Variants in LPAR5 observed in about 807,000 individuals in gnomAD.
LPAR5 encodes the protein lysophosphatidic acid receptor 5.
For synonymous variants in LPAR5, 271 were observed against 261.6 expected (o/e 1.04, Z -0.35); for missense variants, 544 against 521.8 (o/e 1.04, Z -0.41).
In LPAR5 at chr12:6,621,471, TA is replaced by T; in HGVS notation, c.-216-8del. The T allele has an allele frequency of 2.3e-6, 1 of 434,196 alleles. No homozygotes were observed. The highest frequency in any genetic ancestry group is 4.2e-6 in the Non-Finnish European group (1 of 240,238). 26.9% of individuals were successfully genotyped at this position (434,196 alleles called of 1,614,324 possible). A position where few individuals can be genotyped will look rare whatever the true frequency, so the allele number is the denominator to read the frequency against. On this transcript the variant is annotated splice_polypyrimidine_tract_variant and splice_region_variant and intron_variant, in intron 1 of 1. Coordinates refer to ENST00000329858, the MANE Select transcript of LPAR5 (RefSeq NM_020400.6). ...CTTCATCAGCAGCAGAGACCTGGAA[TA>T]GGAAGGCAAGCCGGAAGTTATACAG...
chr12:6,628,404 T>C (rs559359866), intron 1 of LPAR5, among the ~76,000 whole-genome samples: 2 of 152,254 alleles, frequency 1.3e-5, no homozygotes, highest in South Asian at 4.1e-4. Flanking sequence ...AATGAGTGGA[T>C]GGATGATTTT....
chr12:6,628,243 T>A (rs555634097), intron 1 of LPAR5, among the ~76,000 whole-genome samples: 1 of 152,066 alleles, frequency 6.6e-6, no homozygotes, highest in East Asian at 1.9e-4. Flanking sequence ...GGATGGTCTC[T>A]ATCTCCTGAC....
intron 1 of LPAR5, among the ~76,000 whole-genome samples, chr12:6,634,709 T>C (rs1373635402): frequency 6.7e-6 from 1 of 149,382 alleles, no homozygotes. Flanking sequence ...AGTGGGAGGA[T>C]TGCTTGAACC....
intron 1 of LPAR5, among the ~76,000 whole-genome samples, chr12:6,630,211 C>T (rs1948972458): frequency 6.6e-6 from 1 of 151,446 alleles, no homozygotes; most frequent in African/African-American, 2.4e-5. Flanking sequence ...GCAACCTCCG[C>T]CTCCTGGGTT....
intron 1 of LPAR5, among the ~76,000 whole-genome samples, chr12:6,626,205 A>G (rs577292033): frequency 1.9e-4 from 29 of 152,232 alleles, no homozygotes; most frequent in Non-Finnish European, 3.5e-4. Context: ...CAGGAGGCAG[A>G]CAGAGGTTGC....
In LPAR5 at chr12:6,621,460, G is replaced by A. The variant is rs1296878246; in HGVS notation, c.-212C>T. Reference sequence around the variant, plus strand: ...TTTGGTCACAGCTTCATCAGCAGCAGAGACCTGGAATAGGAAGGCAAGCCG... The same window carrying A: ...TTTGGTCACAGCTTCATCAGCAGCAAAGACCTGGAATAGGAAGGCAAGCCG... On this transcript the variant is annotated 5_prime_UTR_variant, in exon 2 of 2. Coordinates refer to ENST00000329858, the MANE Select transcript of LPAR5 (RefSeq NM_020400.6). 5 of 438,250 alleles carry A rather than the reference G, an allele frequency of 1.1e-5. No homozygotes were observed. Among genetic ancestry groups the A allele is most frequent in the African/African-American group, 1.0e-4 (5 of 49,138 alleles). The allele number at this position is 438,250 out of a possible 1,614,324, so 27.1% of individuals were successfully genotyped here.
intron 1 of LPAR5, among the ~76,000 whole-genome samples, chr12:6,634,620 G>A (rs1214845154): frequency 8.5e-6 from 1 of 117,954 alleles, no homozygotes; most frequent in Non-Finnish European, 1.7e-5. Context: ...ACGACAGAGC[G>A]AGACCCCATC....
At chr12:6,632,973 C>G (rs1233976118) in intron 1 of LPAR5, among the ~76,000 whole-genome samples, 1 of 152,210 alleles carries the variant, frequency 6.6e-6, no homozygotes, top group Admixed American at 6.5e-5. Flanking sequence ...CCTTTCCCCA[C>G]CCTTCTCTGC....
intron 1 of LPAR5, among the ~76,000 whole-genome samples, chr12:6,625,675 T>A (rs910763551): frequency 6.0e-5 from 9 of 150,098 alleles, no homozygotes; most frequent in African/African-American, 9.8e-5. Flanking sequence ...CTGAGCCGAG[T>A]TCACGCCACT....
Position 6,620,167 on chromosome 12 carries a change from G to C in LPAR5, c.1082C>G (p.Ser361Cys). 1 of 1,613,546 alleles carries C rather than the reference G, an allele frequency of 6.2e-7. No homozygotes were observed. Among genetic ancestry groups the C allele is most frequent in the South Asian group, 1.1e-5 (1 of 91,068 alleles). ...LLRPSDSHSLSSFTQCPQDSA... is the reference protein window; with the variant it reads ...LLRPSDSHSLCSFTQCPQDSA... Reference sequence around the variant, plus strand: ...ATCCTGGGGACACTGTGTGAAGGAAGACAGAGAGTGGGAGTCGGAGGGTCG... The same window carrying C: ...ATCCTGGGGACACTGTGTGAAGGAACACAGAGAGTGGGAGTCGGAGGGTCG... Residue 361 changes from serine (S) to cysteine (C), a missense_variant, in exon 2 of 2, where the codon TCT (serine) becomes TGT (cysteine). Coordinates refer to ENST00000329858, the MANE Select transcript of LPAR5 (RefSeq NM_020400.6). The surrounding 1 kb of genome is among the most constrained non-coding windows in gnomAD (Gnocchi z 6.8).
At chr12:6,621,713 T>G (rs1948897176) in intron 1 of LPAR5, among the ~76,000 whole-genome samples, 1 of 152,198 alleles carries the variant, frequency 6.6e-6, no homozygotes, top group African/African-American at 2.4e-5. Context: ...AAAATTAATC[T>G]TGGCTGGGTG....
intron 1 of LPAR5, among the ~76,000 whole-genome samples, chr12:6,629,786 G>A (rs939821129): frequency 1.3e-5 from 2 of 152,094 alleles, no homozygotes; most frequent in Non-Finnish European, 2.9e-5. Context: ...CACTTTGGGA[G>A]GCTGAGGCGG....
chr12:6,620,798 C>G lies in LPAR5; in HGVS notation c.451G>C (p.Val151Leu), dbSNP rs1395748465. 16 of 1,576,150 alleles carry G rather than the reference C, an allele frequency of 1.0e-5. No individual in the cohort carries two copies. The highest frequency in any genetic ancestry group is 5.5e-5 in the Admixed American group (3 of 54,598). ...ACGCGGGCGGCGGGCACGGCAAACA[C>G]CAGGATGAGCGCCCACACGCCCAGG... is the stretch of plus-strand genomic sequence containing the variant. ...LCLGVWALILVFAVPAARVHR... is the reference protein window; with the variant it reads ...LCLGVWALILLFAVPAARVHR... The change falls in exon 2 of 2, where the codon GTG becomes CTG. Residue 151 changes from valine (V) to leucine (L), a missense_variant. By Grantham distance (32) the Val-to-Leu change is conservative. Coordinates refer to ENST00000329858, the MANE Select transcript of LPAR5 (RefSeq NM_020400.6). This position sits in a 1 kb window ranked among gnomAD's most constrained non-coding sequence, Gnocchi z 6.8.
chr12:6,634,968 A>G (rs1949001367), intron 1 of LPAR5, among the ~76,000 whole-genome samples: 1 of 149,136 alleles, frequency 6.7e-6, no homozygotes, highest in South Asian at 2.2e-4. Context: ...CGTACCTATA[A>G]TCCCAGCTAC....
At chr12:6,630,025 A>G (rs1012491973) in intron 1 of LPAR5, among the ~76,000 whole-genome samples, 2 of 152,194 alleles carry the variant, frequency 1.3e-5, no homozygotes, top group Non-Finnish European at 2.9e-5. Flanking sequence ...ACTCTGTCTC[A>G]AAAAACATAA....
intron 1 of LPAR5, among the ~76,000 whole-genome samples, chr12:6,621,813 A>G (rs1026140279): frequency 1.3e-5 from 2 of 152,150 alleles, no homozygotes; most frequent in Admixed American, 6.6e-5. Context: ...CCTGGGCAAC[A>G]CGGCGAAACC....
intron 1 of LPAR5, among the ~76,000 whole-genome samples, chr12:6,629,955 C>T (rs1374482522): frequency 9.2e-5 from 14 of 151,734 alleles, no homozygotes; most frequent in African/African-American, 2.7e-4. Flanking sequence ...ACCCAGGAGG[C>T]GGAAGTTGCA....
At chr12:6,627,777 C>T (rs568605547) in intron 1 of LPAR5, among the ~76,000 whole-genome samples, 10 of 152,186 alleles carry the variant, frequency 6.6e-5, no homozygotes, top group South Asian at 2.1e-4. Context: ...AGGTCCTGAG[C>T]GATACTCATT....
intron 1 of LPAR5, among the ~76,000 whole-genome samples, chr12:6,634,167 A>C (rs1948997479): frequency 6.6e-6 from 1 of 152,084 alleles, no homozygotes; most frequent in Admixed American, 6.5e-5. Context: ...CACCGTGCCC[A>C]ACTAATTTTT....
Sources: allele counts gnomAD v4.1 joint callset (sites outside exome capture counted in the v4.1 genomes callset), GRCh38; gene constraint gnomAD v4.1.1; non-coding constraint Gnocchi (gnomAD v3.1); transcripts MANE v1.5; gene names NCBI Gene and HGNC (gene_info 2026-07-23, HGNC 2026-07-21).